ENOX1: variants seen among roughly 807,000 people sequenced by gnomAD.
The protein encoded by ENOX1 is ecto-NOX disulfide-thiol exchanger 1.
ENOX1 carries 42 observed loss-of-function variants against 82.5 expected under a neutral mutation model. The observed-to-expected ratio is 0.51, with a 90% CI of 0.40 to 0.66. ENOX1 has a LOEUF of 0.66. Among genes scored for constraint, ENOX1 ranks in the 30% least tolerant of loss-of-function variants. ENOX1 has a pLI of 0.00. For synonymous variants in ENOX1, 271 were observed against 282.2 expected (o/e 0.96, Z 0.40); for missense variants, 608 against 811.6 (o/e 0.75, Z 3.05).
chr13:43,593,643 AC>A (rs2081337766), intron 2 of ENOX1, among the ~76,000 whole-genome samples: 2 of 47,756 alleles, frequency 4.2e-5, no homozygotes, highest in African/African-American at 8.3e-5. Flanking sequence ...CTATTCCCCC[AC>A]CCCCACCCTG....
intron 2 of ENOX1, among the ~76,000 whole-genome samples, chr13:43,542,410 G>A (rs1019653425): frequency 1.3e-5 from 2 of 148,940 alleles, no homozygotes; most frequent in African/African-American, 2.5e-5. Flanking sequence ...GGGATTATAG[G>A]CTTAAGCCAC....
At chr13:43,313,296 T>C (rs1002874357) in intron 11 of ENOX1, among the ~76,000 whole-genome samples, 9 of 152,212 alleles carry the variant, frequency 5.9e-5, no homozygotes, top group Non-Finnish European at 1.3e-4. Context: ...GCTCTTAGAA[T>C]AAGAAATTAT....
At chr13:43,483,077 G>A (rs2058568249) in intron 3 of ENOX1, among the ~76,000 whole-genome samples, 1 of 152,126 alleles carries the variant, frequency 6.6e-6, no homozygotes, top group South Asian at 2.1e-4. Context: ...CCACAGTAAA[G>A]GGCTACTAAG....
At chr13:43,344,125 C>T (rs1195369154) in intron 9 of ENOX1, among the ~76,000 whole-genome samples, 2 of 152,214 alleles carry the variant, frequency 1.3e-5, no homozygotes, top group African/African-American at 4.8e-5. Context: ...TTTTCCTACA[C>T]AGAGCCCAAG....
chr13:43,678,637 T>C (rs1159639202), intron 1 of ENOX1, among the ~76,000 whole-genome samples: 1 of 152,188 alleles, frequency 6.6e-6, no homozygotes, highest in African/African-American at 2.4e-5. Context: ...AGCTACATCA[T>C]CTTAAGCAAG....
chr13:43,635,149 A>G (rs770379117), intron 2 of ENOX1, among the ~76,000 whole-genome samples: 13 of 152,230 alleles, frequency 8.5e-5, no homozygotes, highest in Non-Finnish European at 1.8e-4. Flanking sequence ...AGTAGGGGAT[A>G]AAAAGGGGAT....
chr13:43,694,609 T>TC (rs1338980092), intron 1 of ENOX1, among the ~76,000 whole-genome samples: 1 of 152,182 alleles, frequency 6.6e-6, no homozygotes, highest in African/African-American at 2.4e-5. Flanking sequence ...GATAATATAT[T>TC]CCCTTGAGTG....
intron 3 of ENOX1, among the ~76,000 whole-genome samples, chr13:43,476,050 T>G (rs2058269641): frequency 6.6e-6 from 1 of 152,090 alleles, no homozygotes; most frequent in Non-Finnish European, 1.5e-5. Flanking sequence ...GTCTAAGCAT[T>G]GAAGTGTTAG....
intron 3 of ENOX1, among the ~76,000 whole-genome samples, chr13:43,438,615 T>A (rs183772555): frequency 6.6e-6 from 1 of 152,174 alleles, no homozygotes; most frequent in Non-Finnish European, 1.5e-5. Context: ...TTACAAACCA[T>A]ACAAAAATGT....
intron 14 of ENOX1, among the ~76,000 whole-genome samples, chr13:43,239,099 G>A (rs1308555173): frequency 3.3e-5 from 5 of 152,210 alleles, no homozygotes; most frequent in African/African-American, 1.2e-4. Flanking sequence ...TTGCTTTGGT[G>A]ATGTTTTAGG....
chr13:43,525,611 GGT>G (rs1319977150), intron 2 of ENOX1, among the ~76,000 whole-genome samples: 1 of 151,940 alleles, frequency 6.6e-6, no homozygotes, highest in Non-Finnish European at 1.5e-5. Flanking sequence ...AATGCACAAG[GGT>G]TCCAATTTCT....
chr13:43,407,303 A>G (rs1261204779), intron 5 of ENOX1, among the ~76,000 whole-genome samples: 1 of 152,200 alleles, frequency 6.6e-6, no homozygotes, highest in African/African-American at 2.4e-5. Flanking sequence ...ACAAACATAA[A>G]CAAAATTGTG....
rs377673943 is a variant in ENOX1 at position 43,608,384 on chromosome 13, T to C, written c.-219+59095A>G. Among the ~76,000 whole-genome samples the C allele has an allele frequency of 1.8e-3, 280 of 152,306 alleles. 1 individual carries two copies. The highest frequency in any genetic ancestry group is 5.5e-3 in the African/African-American group (230 of 41,568). On this transcript the variant is annotated intron_variant, in intron 2 of 16. Coordinates refer to ENST00000690772, the MANE Select transcript of ENOX1 (RefSeq NM_001347969.2). ...TCAAAGGATATAAAGATGACTGAGA[T>C]CATTTCTTCCCTCAAGGAATCGCCA... is the stretch of plus-strand genomic sequence containing the variant.
At chr13:43,263,286 G>T (rs1038153145) in intron 14 of ENOX1, among the ~76,000 whole-genome samples, 1 of 152,102 alleles carries the variant, frequency 6.6e-6, no homozygotes, top group African/African-American at 2.4e-5. Flanking sequence ...GCAGTGACTG[G>T]CAAGGACTGT....
chr13:43,452,164 C>T (rs541162791), intron 3 of ENOX1, among the ~76,000 whole-genome samples: 4 of 152,198 alleles, frequency 2.6e-5, no homozygotes, highest in Non-Finnish European at 5.9e-5. Flanking sequence ...GGTACATGTG[C>T]AGAATGTGCA....
intron 1 of ENOX1, among the ~76,000 whole-genome samples, chr13:43,716,096 T>C (rs1385937584): frequency 1.3e-5 from 2 of 152,226 alleles, no homozygotes; most frequent in Non-Finnish European, 2.9e-5. Context: ...GTTCCGTTGC[T>C]GGTGAGGAGC....
chr13:43,334,575 C>T (rs983369282), intron 9 of ENOX1, among the ~76,000 whole-genome samples: 1 of 152,010 alleles, frequency 6.6e-6, no homozygotes, highest in African/African-American at 2.4e-5. Flanking sequence ...CTTAAAGGAC[C>T]CCTTGGCTGA....
intron 1 of ENOX1, among the ~76,000 whole-genome samples, chr13:43,743,290 A>T (rs1949850192): frequency 6.6e-6 from 1 of 152,204 alleles, no homozygotes; most frequent in Admixed American, 6.5e-5. Flanking sequence ...AAAAAAAATA[A>T]TTAACTGTGA....
intron 2 of ENOX1, among the ~76,000 whole-genome samples, chr13:43,574,738 G>A (rs2080339812): frequency 6.6e-6 from 1 of 152,180 alleles, no homozygotes; most frequent in Non-Finnish European, 1.5e-5. Context: ...GAATTATCAG[G>A]AAAGAGAAAC....
Sources: gnomAD v4.1 joint callset for allele counts (sites outside exome capture counted in the v4.1 genomes callset) on GRCh38, gnomAD v4.1.1 for gene constraint, MANE v1.5 for transcripts, NCBI Gene and HGNC (gene_info 2026-07-23, HGNC 2026-07-21) for gene names.